The following TAF1 variants were observed in gnomAD, a reference collection of about 807,000 sequenced individuals.
The protein encoded by TAF1 is transcription initiation factor TFIID subunit 1.
In TAF1, 2 loss-of-function variants were observed where a neutral mutation model predicts 138.5. The observed-to-expected ratio is 0.01, with a 90% confidence interval of 0.01 to 0.05. TAF1 has a LOEUF of 0.05. TAF1 is among the 10% of genes least tolerant of loss of function. The probability of loss-of-function intolerance (pLI) is 1.00; values close to 1 mark genes in which losing one functional copy is unlikely to be tolerated. For synonymous variants in TAF1, 437 were observed against 503.2 expected (o/e 0.87, Z 1.76); for missense variants, 709 against 1,478.0 (o/e 0.48, Z 8.53).
At chrX:71,483,217 G>T (rs1391013126) in intron 13 of TAF1, among the ~76,000 whole-genome samples, 3 of 99,620 alleles carry the variant, frequency 3.0e-5, no homozygotes, top group African/African-American at 1.1e-4. Context: ...TGAACTCCTG[G>T]GCTCAAGTGA....
intron 36 of TAF1, 63 bp from the exon 37 acceptor site, chrX:71,460,551 GAAGATCAAGCCA>G: frequency 8.9e-7 from 1 of 1,122,405 alleles, no homozygotes; most frequent in Non-Finnish European, 1.2e-6. Context: ...ACTAGTTTGG[GAAGATCAAGCCA>G]AAGATCAAGT....
intron 32 of TAF1, among the ~76,000 whole-genome samples, chrX:71,425,291 C>T (rs751834333): frequency 9.0e-6 from 1 of 111,518 alleles, no homozygotes; most frequent in Admixed American, 9.6e-5. Context: ...AAGACAGTCA[C>T]TGTCCTCAAG....
chrX:71,410,386 C>T (rs900580553), intron 28 of TAF1, among the ~76,000 whole-genome samples: 17 of 107,732 alleles, frequency 1.6e-4, no homozygotes, highest in African/African-American at 5.4e-4. Flanking sequence ...ATCTGCACAT[C>T]CTGCACATGT....
intron 13 of TAF1, among the ~76,000 whole-genome samples, chrX:71,524,019 CTTTTTTTTTTTT>C (rs397895424): frequency 9.2e-5 from 7 of 76,359 alleles, no homozygotes; most frequent in African/African-American, 3.3e-4. Context: ...TGTAATAGTT[CTTTTTTTTTTTT>C]TTTTTTTTTT....
chrX:71,527,841 CT>C, intron 13 of TAF1: 1 of 154,821 alleles, frequency 6.5e-6, no homozygotes. Flanking sequence ...GTAAATAAGC[CT>C]TCATTTTGTT....
chrX:71,382,738 T>G (rs371656070), intron 10 of TAF1, 23 bp from the exon 11 acceptor site: 939 of 1,202,277 alleles, frequency 7.8e-4, no homozygotes, highest in Non-Finnish European at 1.0e-3. Context: ...CTGACCGAGA[T>G]TTGTTTGATT....
intron 29 of TAF1, 65 bp downstream of exon 29, chrX:71,421,441 A>T: frequency 1.0e-6 from 1 of 975,213 alleles, no homozygotes; most frequent in Non-Finnish European, 1.5e-6. Context: ...ATCAGGGTTT[A>T]GGAAGTAGGG....
downstream of TAF1, chrX:71,466,237 C>T (rs746358112): frequency 9.0e-6 from 1 of 111,501 alleles, no homozygotes; most frequent in South Asian, 3.7e-4. Flanking sequence ...TAACATTTAT[C>T]ATGCCACCTA....
In TAF1 at chrX:71,487,767, C is replaced by G. The variant is rs990809639; in HGVS notation, c.1366+26964C>G. On this transcript the variant is annotated intron_variant and NMD_transcript_variant, in intron 13 of 14. Coordinates refer to the TAF1 transcript ENST00000373775. ...TGTGGTTATAATAACCATTTATTAT[C>G]CTTGTCTATTAACTTTATCACCTAT... Among the ~76,000 whole-genome samples, 4 of 112,018 alleles carry G rather than the reference C, an allele frequency of 3.6e-5. 1 individual carries two copies. The South Asian group carries it at 1.5e-3, about 41-fold the overall frequency.
chrX:71,505,230 A>G (rs1234197501), intron 13 of TAF1, among the ~76,000 whole-genome samples: 2 of 111,806 alleles, frequency 1.8e-5, no homozygotes, highest in African/African-American at 6.5e-5. Context: ...ACAAATCTTT[A>G]ATGCAGAAGG....
At chrX:71,519,097 C>T (rs1426824588) in intron 13 of TAF1, among the ~76,000 whole-genome samples, 1 of 108,392 alleles carries the variant, frequency 9.2e-6, no homozygotes, top group African/African-American at 3.3e-5. Flanking sequence ...CCGAGGCAGA[C>T]GGATCACGAG....
chrX:71,366,450 A>G lies in TAF1; in HGVS notation c.76A>G (p.Ile26Val). ...FSLAGFLFGN[I>V]NGAGQLEGES... ...TTTAGCGGGTTTCCTTTTCGGCAAC[A>G]TCAATGGAGCCGGGCAGCTGGAGGG... The change falls in exon 1 of 38, where the codon ATC becomes GTC. Residue 26 changes from isoleucine to valine, a missense_variant. Ile to Val is a conservative substitution (Grantham distance 29). Coordinates refer to ENST00000423759, the MANE Select transcript of TAF1 (RefSeq NM_004606.5). 1 of 1,199,506 alleles carries G rather than the reference A, an allele frequency of 8.3e-7. No individual in the cohort carries two copies. Among genetic ancestry groups the G allele is most frequent in the East Asian group, 3.0e-5 (1 of 33,112 alleles).
intron 17 of TAF1, among the ~76,000 whole-genome samples, 170 bp downstream of exon 17, chrX:71,389,038 G>A (rs903545138): frequency 3.6e-5 from 4 of 111,187 alleles, no homozygotes; most frequent in Admixed American, 9.7e-5. Flanking sequence ...GTACTTCTAC[G>A]TACATCAGTT....
intron 14 of TAF1, chrX:71,529,387 G>A (rs2040061285): frequency 6.2e-6 from 1 of 160,755 alleles, no homozygotes; most frequent in Non-Finnish European, 1.2e-5. Flanking sequence ...TTTTTACAGA[G>A]TGCTGATTGG....
At chrX:71,444,719 G>T (rs776287926) in intron 32 of TAF1, among the ~76,000 whole-genome samples, 2 of 110,383 alleles carry the variant, frequency 1.8e-5, no homozygotes, top group East Asian at 5.7e-4. Flanking sequence ...TGAGTCCCCA[G>T]GTGTGGCCAG....
At chrX:71,377,232 C>G (rs1181182530) in intron 5 of TAF1, 41 bp downstream of exon 5, 4 of 1,201,791 alleles carry the variant, frequency 3.3e-6, no homozygotes, top group Non-Finnish European at 2.2e-6. Flanking sequence ...AACCACTGAC[C>G]TCTTCCAAAT....
At chrX:71,369,483 AAAATGTGGG>A (rs1356984338) in intron 3 of TAF1, among the ~76,000 whole-genome samples, 2 of 112,296 alleles carry the variant, frequency 1.8e-5, no homozygotes, top group Non-Finnish European at 3.8e-5. Context: ...ACTTTATAAT[AAAATGTGGG>A]ATTTTATCAA....
intron 32 of TAF1, among the ~76,000 whole-genome samples, chrX:71,431,929 A>G (rs2036909814): frequency 1.8e-5 from 2 of 109,747 alleles, no homozygotes; most frequent in Non-Finnish European, 3.8e-5. Flanking sequence ...AAAAAAAAAA[A>G]AAATATGAAG....
intron 13 of TAF1, among the ~76,000 whole-genome samples, chrX:71,520,040 C>G (rs892652653): frequency 9.1e-6 from 1 of 109,842 alleles, no homozygotes; most frequent in African/African-American, 3.3e-5. Context: ...TCTTGCACTC[C>G]TGACCTTAAG....
Sources: allele counts gnomAD v4.1 joint callset (sites outside exome capture counted in the v4.1 genomes callset), GRCh38; gene constraint gnomAD v4.1.1; transcripts MANE v1.5; gene names NCBI Gene and HGNC (gene_info 2026-07-23, HGNC 2026-07-21).